The following NR1D1 variants were observed in gnomAD, a reference collection of about 807,000 sequenced individuals.
The protein encoded by NR1D1 is Rev-ErbAalpha.
In NR1D1, 17 loss-of-function variants were observed where a neutral mutation model predicts 51.1. The observed-to-expected ratio is 0.33, with a 90% CI of 0.23 to 0.50. The LOEUF is 0.50. Among genes scored for constraint, NR1D1 ranks in the 20% least tolerant of loss-of-function variants. The pLI is 0.98. For synonymous variants in NR1D1, 341 were observed against 333.4 expected (o/e 1.02, Z -0.25); for missense variants, 647 against 830.4 (o/e 0.78, Z 2.71).
chr17:40,093,878 C>T lies in NR1D1; in HGVS notation c.1645+34G>A. On this transcript the variant is annotated intron_variant, in intron 7 of 7. Transcript: ENST00000246672. The surrounding 1 kb of genome is among the most constrained non-coding windows in gnomAD (Gnocchi z 5.9). ...GTGTGTTGAATTGAACTGCGTCTGCCTCCTCCCCCGGGTCAGGCGAGAGCC... is the reference window on the plus strand; with the variant it reads ...GTGTGTTGAATTGAACTGCGTCTGCTTCCTCCCCCGGGTCAGGCGAGAGCC... 1 of 1,602,580 alleles carries T rather than the reference C, an allele frequency of 6.2e-7. No individual in the cohort carries two copies. The highest frequency in any genetic ancestry group is 8.5e-7 in the Non-Finnish European group (1 of 1,171,708).
At chr17:40,097,913 C>G (rs923144417) in intron 1 of NR1D1, among the ~76,000 whole-genome samples, 1 of 152,172 alleles carries the variant, frequency 6.6e-6, no homozygotes, top group Non-Finnish European at 1.5e-5. Flanking sequence ...CAGTCACATT[C>G]CCCCCAGTTG....
Position 40,093,040 on chromosome 17 carries a change from G to A in NR1D1, c.*43C>T, listed in dbSNP as rs751278005. ...TAAAGGAGAGAGAAGTGCAGAGTTC[G>A]ATTCTGTACAAGGGGGCAGCGGCAG... On this transcript the variant is annotated 3_prime_UTR_variant, in exon 8 of 8. Transcript: ENST00000246672. The surrounding 1 kb of genome is among the most constrained non-coding windows in gnomAD (Gnocchi z 5.9). 6 of 1,613,936 alleles carry A rather than the reference G, an allele frequency of 3.7e-6. No homozygotes were observed. The highest frequency in any genetic ancestry group is 4.2e-6 in the Non-Finnish European group (5 of 1,179,892).
chr17:40,093,162 A>T lies in NR1D1; in HGVS notation c.1766T>A (p.Leu589Gln). The change falls in exon 8 of 8, where the codon CTG becomes CAG. Residue 589 changes from leucine (L) to glutamine (Q), a missense_variant. Around this residue, in one of 7 missense-constraint regions of NR1D1, gnomAD observed 155 missense variants for 236.8 expected, o/e 0.65. Transcript: ENST00000246672. The surrounding 1 kb of genome is among the most constrained non-coding windows in gnomAD (Gnocchi z 5.9). ...PLETSRFTKLLLKLPDLRTLN... is the reference protein window; with the variant it reads ...PLETSRFTKLQLKLPDLRTLN... ...GGTCCGCAGGTCCGGCAGCTTGAGC[A>T]GCAGCTTGGTGAAGCGGGAAGTCTC... The T allele has an allele frequency of 6.2e-7, 1 of 1,613,934 alleles. No individual in the cohort carries two copies. The highest frequency in any genetic ancestry group is 8.5e-7 in the Non-Finnish European group (1 of 1,180,026).
At chr17:40,094,239 G>T in intron 6 of NR1D1, 117 bp from the exon 7 acceptor site, 1 of 887,696 alleles carries the variant, frequency 1.1e-6, no homozygotes, top group East Asian at 2.5e-5. Context: ...GTAGAGTGGG[G>T]GTTGTTTCTG....
chr17:40,093,207 A>C lies in NR1D1; in HGVS notation c.1721T>G (p.Val574Gly). ...ETLLRALRAL[V>G]LKNRPLETSR... ...AGTCTCCAAGGGCCGGTTCTTCAGC[A>C]CCAGAGCCCGAAGAGCCCGCAGCAG... is the stretch of plus-strand genomic sequence containing the variant. Residue 574 changes from valine (V) to glycine (G), a missense_variant, in exon 8 of 8, where the codon GTG becomes GGG. Physicochemically the swap from Val to Gly is moderately radical, Grantham distance 109. This residue lies in a region of NR1D1 where 155 missense variants were observed against 236.8 expected (regional missense o/e 0.65). Transcript: ENST00000246672. The surrounding 1 kb of genome is among the most constrained non-coding windows in gnomAD (Gnocchi z 5.9). The C allele has an allele frequency of 6.2e-7, 1 of 1,613,756 alleles. No individual in the cohort carries two copies. The highest frequency in any genetic ancestry group is 8.5e-7 in the Non-Finnish European group (1 of 1,180,026).
At chr17:40,098,695 A>G (rs750459357) in intron 1 of NR1D1, among the ~76,000 whole-genome samples, 2 of 152,210 alleles carry the variant, frequency 1.3e-5, no homozygotes, top group Non-Finnish European at 2.9e-5. Context: ...TCTGTGAGAA[A>G]AAAAGGACAG....
At chr17:40,096,930 A>T in intron 2 of NR1D1, 135 bp downstream of exon 2, 1 of 1,173,784 alleles carries the variant, frequency 8.5e-7, no homozygotes, top group Non-Finnish European at 1.2e-6. Flanking sequence ...TGGGCTGAAG[A>T]GGGGCTGGTG....
At chr17:40,099,970 C>T in intron 1 of NR1D1, 94 bp downstream of exon 1, 1 of 927,422 alleles carries the variant, frequency 1.1e-6, no homozygotes, top group Admixed American at 1.8e-5. Flanking sequence ...CGAGGGACAC[C>T]CCAGTCCCTT....
chr17:40,094,944 G>C lies in NR1D1; in HGVS notation c.1425C>G (p.Gly475=). ...ATAAACGGTCACTCACCTCAAAGGTGCCAGCCTTAAGCAGGGTGACTTGGT... is the reference window on the plus strand; with the variant it reads ...ATAAACGGTCACTCACCTCAAAGGTCCCAGCCTTAAGCAGGGTGACTTGGT... ...QHDQVTLLKA[G]TFEVLMVRFA... Residue 475 remains glycine, a synonymous_variant, in exon 6 of 8, where the codon GGC becomes GGG. Coordinates refer to ENST00000246672, the MANE Select transcript of NR1D1 (RefSeq NM_021724.5). 1 of 1,613,936 alleles carries C rather than the reference G, an allele frequency of 6.2e-7. No individual in the cohort carries two copies. Among genetic ancestry groups the C allele is most frequent in the Admixed American group, 1.7e-5 (1 of 60,020 alleles).
At chr17:40,094,479 G>T (rs188992092) in intron 6 of NR1D1, among the ~76,000 whole-genome samples, 2 of 152,356 alleles carry the variant, frequency 1.3e-5, no homozygotes, top group South Asian at 4.1e-4. Context: ...AGAGGAAGCA[G>T]CAGGAGCCGC....
chr17:40,094,890 C>CT (rs1407916855), intron 6 of NR1D1, 45 bp downstream of exon 6: 19 of 1,595,096 alleles, frequency 1.2e-5, no homozygotes, highest in East Asian at 6.7e-5. Context: ...AAGCGAAACT[C>CT]TGTCTCAAAA....
chr17:40,097,384 A>G lies in NR1D1; in HGVS notation c.51T>C (p.Ile17=), dbSNP rs747593296. 1 of 1,611,528 alleles carries G rather than the reference A, an allele frequency of 6.2e-7. No homozygotes were observed. Among genetic ancestry groups the G allele is most frequent in the Non-Finnish European group, 8.5e-7 (1 of 1,178,990 alleles). Residue 17 remains isoleucine, a synonymous_variant, in exon 2 of 8, where the codon ATT becomes ATC. Transcript: ENST00000246672. ...NNNTGGVITY[I]GSSGSSPSRT... is the part of the protein sequence containing the mutation. ...GGCTTGGGGAGGAGCCACTGGAGCC[A>G]ATGTAGGTGATGACGCCACCTGGAG...
chr17:40,094,894 C>T, intron 6 of NR1D1, 41 bp downstream of exon 6: 1 of 1,600,472 alleles, frequency 6.2e-7, no homozygotes, highest in African/African-American at 1.3e-5. Flanking sequence ...GAAACTCTGT[C>T]TCAAAAAAAA....
rs1381000053 is a variant in NR1D1, at chr17:40,095,005, T to C, written c.1364A>G (p.Lys455Arg). 1 of 1,614,068 alleles carries C rather than the reference T, an allele frequency of 6.2e-7. No individual in the cohort carries two copies. Among genetic ancestry groups the C allele is most frequent in the African/African-American group, 1.3e-5 (1 of 74,954 alleles). Residue 455 changes from lysine to arginine, a missense_variant, in exon 6 of 8, where the codon AAA (lysine) becomes AGA (arginine). By Grantham distance (26) the Lys-to-Arg change is conservative. Coordinates refer to ENST00000246672, the MANE Select transcript of NR1D1 (RefSeq NM_021724.5). ...PAVREVVEFA[K>R]HIPGFRDLSQ... ...AAGGTCACGGAAGCCCGGGATGTGT[T>C]TGGCAAACTCTACCACCTCCCGCAC...
At chr17:40,096,171 G>A (rs1598402948) in intron 4 of NR1D1, 84 bp from the exon 5 acceptor site, 1 of 1,530,704 alleles carries the variant, frequency 6.5e-7, no homozygotes, top group Non-Finnish European at 8.8e-7. Flanking sequence ...AAAGGGCAAG[G>A]CCCTGAAGGC....
chr17:40,100,014 G>A (rs1987846027), intron 1 of NR1D1, 50 bp downstream of exon 1: 5 of 1,367,218 alleles, frequency 3.7e-6, no homozygotes, highest in Non-Finnish European at 5.2e-6. Context: ...CGTAGATGGA[G>A]GTGGGGAGAC....
At chr17:40,096,645 G>C in intron 3 of NR1D1, 46 bp downstream of exon 3, 4 of 1,613,832 alleles carry the variant, frequency 2.5e-6, no homozygotes, top group Non-Finnish European at 3.4e-6. Context: ...CTGTGTCCAG[G>C]GGGAGGGGGC....
chr17:40,098,460 C>G (rs1053383774), intron 1 of NR1D1, among the ~76,000 whole-genome samples: 1 of 152,196 alleles, frequency 6.6e-6, no homozygotes, highest in African/African-American at 2.4e-5. Context: ...ATCAGCTCCC[C>G]CGGTTTCAGG....
chr17:40,093,220 G>C lies in NR1D1; in HGVS notation c.1708C>G (p.Leu570Val). 6.2e-7 allele frequency: 1 copy of C among 1,613,734 alleles called. No homozygotes were observed. Among genetic ancestry groups the C allele is most frequent in the Non-Finnish European group, 8.5e-7 (1 of 1,180,042 alleles). Residue 570 changes from leucine to valine, a missense_variant, in exon 8 of 8, where the codon CTT becomes GTT. By Grantham distance (32) the Leu-to-Val change is conservative. Around this residue, in one of 7 missense-constraint regions of NR1D1, gnomAD observed 155 missense variants for 236.8 expected, o/e 0.65. Transcript: ENST00000246672. This position sits in a 1 kb window ranked among gnomAD's most constrained non-coding sequence, Gnocchi z 5.9. ...EQLQETLLRALRALVLKNRPL... is the reference protein window; with the variant it reads ...EQLQETLLRAVRALVLKNRPL... ...CGGTTCTTCAGCACCAGAGCCCGAAGAGCCCGCAGCAGCGTCTCCTGGAGC... is the reference window on the plus strand; with the variant it reads ...CGGTTCTTCAGCACCAGAGCCCGAACAGCCCGCAGCAGCGTCTCCTGGAGC...
Sources: gnomAD v4.1 joint callset for allele counts (sites outside exome capture counted in the v4.1 genomes callset) on GRCh38, gnomAD v4.1.1 for gene constraint, gnomAD v4.1.1 regional missense constraint, Gnocchi (gnomAD v3.1) non-coding constraint, MANE v1.5 for transcripts, NCBI Gene and HGNC (gene_info 2026-07-23, HGNC 2026-07-21) for gene names.